TCERG1L: variants seen among roughly 807,000 people sequenced by gnomAD.
TCERG1L encodes the protein transcription elongation regulator 1-like protein.
Under a neutral mutation model 56.3 loss-of-function variants are expected in TCERG1L, and 37 were observed. That is an observed-to-expected ratio of 0.66 (90% confidence interval 0.51 to 0.87). The LOEUF (loss-of-function observed/expected upper bound fraction) is 0.87, where lower values mean the gene tolerates loss of function less well. Among genes scored for constraint, TCERG1L ranks in the 40% least tolerant of loss-of-function variants. The pLI is 0.00. For missense variants in TCERG1L, 799 were observed against 774.2 expected (o/e 1.03, Z -0.38); for synonymous variants, 324 against 326.3 (o/e 0.99, Z 0.08).
At chr10:131,271,790 C>T (rs1846342144) in intron 3 of TCERG1L, among the ~76,000 whole-genome samples, 1 of 152,268 alleles carries the variant, frequency 6.6e-6, no homozygotes, top group African/African-American at 2.4e-5. Flanking sequence ...GGTGAGGGTC[C>T]CTGTGACCGG....
intron 3 of TCERG1L, among the ~76,000 whole-genome samples, chr10:131,272,027 A>C (rs925302667): frequency 6.6e-6 from 1 of 152,232 alleles, no homozygotes; most frequent in African/African-American, 2.4e-5. Context: ...AGACAGGCCC[A>C]GCAAGCTTCA....
chr10:131,135,335 C>G (rs1192187408), intron 7 of TCERG1L, among the ~76,000 whole-genome samples: 2 of 152,132 alleles, frequency 1.3e-5, no homozygotes, highest in African/African-American at 4.8e-5. Context: ...TCCCAGTGAC[C>G]GCTGAGCCTG....
chr10:131,293,014 C>T (rs772429398), intron 3 of TCERG1L, among the ~76,000 whole-genome samples: 2 of 152,004 alleles, frequency 1.3e-5, no homozygotes, highest in South Asian at 2.1e-4. Flanking sequence ...CCGCACCTGG[C>T]TAATTTTTGT....
At chr10:131,202,342 G>A (rs1433820280) in intron 4 of TCERG1L, among the ~76,000 whole-genome samples, 1 of 152,208 alleles carries the variant, frequency 6.6e-6, no homozygotes, top group East Asian at 1.9e-4. Context: ...AACACTTTGG[G>A]AGGCCGAGGA....
chr10:131,301,369 T>C (rs926436057), intron 3 of TCERG1L, among the ~76,000 whole-genome samples: 5 of 152,042 alleles, frequency 3.3e-5, no homozygotes, highest in African/African-American at 1.2e-4. Flanking sequence ...TAAATAAAAA[T>C]ATTGCTTTAA....
chr10:131,120,316 G>A (rs1333032481), intron 8 of TCERG1L, among the ~76,000 whole-genome samples: 1 of 152,114 alleles, frequency 6.6e-6, no homozygotes, highest in Non-Finnish European at 1.5e-5. Flanking sequence ...TGAGTTCTGG[G>A]CACTGCAACC....
intron 4 of TCERG1L, among the ~76,000 whole-genome samples, chr10:131,210,406 G>A (rs1194998481): frequency 6.6e-6 from 1 of 152,220 alleles, no homozygotes; most frequent in Non-Finnish European, 1.5e-5. Flanking sequence ...TTTTGTCCCT[G>A]CTGGAAGAGA....
At chr10:131,275,022 G>A (rs1018668460) in intron 3 of TCERG1L, among the ~76,000 whole-genome samples, 2 of 152,078 alleles carry the variant, frequency 1.3e-5, no homozygotes, top group Admixed American at 1.3e-4. Context: ...CTGATCTCGG[G>A]CCACTGACTC....
At chr10:131,280,132 T>C (rs1473298681) in intron 3 of TCERG1L, among the ~76,000 whole-genome samples, 1 of 152,168 alleles carries the variant, frequency 6.6e-6, no homozygotes, top group Admixed American at 6.5e-5. Context: ...ACACATTCTA[T>C]ACATTCAAAG....
chr10:131,302,451 G>A (rs1846773984), intron 3 of TCERG1L, among the ~76,000 whole-genome samples: 1 of 150,578 alleles, frequency 6.6e-6, no homozygotes, highest in Non-Finnish European at 1.5e-5. Context: ...ATAATATTAT[G>A]AGACAAGGAA....
At chr10:131,268,946 T>C (rs1439911026) in intron 3 of TCERG1L, among the ~76,000 whole-genome samples, 1 of 152,226 alleles carries the variant, frequency 6.6e-6, no homozygotes, top group Admixed American at 6.5e-5. Context: ...ATCTTTTTAT[T>C]GTTGTTGTTC....
intron 3 of TCERG1L, among the ~76,000 whole-genome samples, chr10:131,297,036 T>A (rs938248949): frequency 5.9e-5 from 9 of 152,278 alleles, no homozygotes; most frequent in South Asian, 2.1e-4. Context: ...ATAGAGACAG[T>A]TTTGTGTCTT....
intron 3 of TCERG1L, among the ~76,000 whole-genome samples, chr10:131,295,334 C>G (rs1270853861): frequency 6.6e-6 from 1 of 152,176 alleles, no homozygotes; most frequent in African/African-American, 2.4e-5. Flanking sequence ...TTACTGGGAA[C>G]TAGGATAAGA....
chr10:131,183,334 C>G (rs1181553391), intron 4 of TCERG1L, among the ~76,000 whole-genome samples: 3 of 152,126 alleles, frequency 2.0e-5, no homozygotes. Context: ...TACAATGAAG[C>G]AACTGATACA....
At chr10:131,160,062 C>T (rs1038309332) in intron 6 of TCERG1L, among the ~76,000 whole-genome samples, 22 of 152,296 alleles carry the variant, frequency 1.4e-4, no homozygotes, top group African/African-American at 3.6e-4. Flanking sequence ...AAGCAGCAGC[C>T]ACCTCTCCCT....
intron 3 of TCERG1L, among the ~76,000 whole-genome samples, chr10:131,263,198 C>T (rs1183095390): frequency 6.6e-6 from 1 of 152,060 alleles, no homozygotes; most frequent in Admixed American, 6.5e-5. Context: ...CCTCAATCTG[C>T]ATTTAGTGAT....
chr10:131,178,786 A>G (rs978818271), intron 4 of TCERG1L, among the ~76,000 whole-genome samples: 3 of 152,166 alleles, frequency 2.0e-5, no homozygotes, highest in African/African-American at 7.2e-5. Context: ...CAGGATGAAG[A>G]TCTGGCTCTC....
chr10:131,171,187 A>AAAAAAAAGAAAG lies in TCERG1L; in HGVS notation c.857-4303_857-4302insCTTTCTTTTTTT, dbSNP rs111602431. On this transcript the variant is annotated intron_variant, in intron 4 of 11. Transcript: ENST00000368642. ...AAAACAAAAACACACACCAAAAAAA[A>AAAAAAAAGAAAG]GAAGAAAGAAAAAAAGAAAGAAAAG... 1.4e-3 allele frequency among the ~76,000 whole-genome samples: 151 copies of AAAAAAAAGAAAG among 110,038 alleles called. 2 individuals are homozygous for AAAAAAAAGAAAG. Among genetic ancestry groups the AAAAAAAAGAAAG allele is most frequent in the African/African-American group, 3.8e-3 (148 of 38,690 alleles). The allele number at this position is 110,038 out of a possible 152,430, so 72.2% of individuals were successfully genotyped here.
chr10:131,296,624 T>C (rs1846693456), intron 3 of TCERG1L, among the ~76,000 whole-genome samples: 1 of 152,246 alleles, frequency 6.6e-6, no homozygotes, highest in Non-Finnish European at 1.5e-5. Context: ...TGCCTGTCCA[T>C]ATTAATTATT....
Sources: allele counts gnomAD v4.1 joint callset (sites outside exome capture counted in the v4.1 genomes callset), GRCh38; gene constraint gnomAD v4.1.1; transcripts MANE v1.5; gene names NCBI Gene and HGNC (gene_info 2026-07-23, HGNC 2026-07-21).